Variants in PPP1R12B observed in about 807,000 individuals in gnomAD.
PPP1R12B encodes the protein protein phosphatase 1 regulatory subunit 12B.
PPP1R12B carries 76 observed loss-of-function variants against 126.1 expected under a neutral mutation model. That is an observed-to-expected ratio of 0.60 (90% CI 0.50 to 0.73). The LOEUF (loss-of-function observed/expected upper bound fraction) is 0.73, where lower values mean the gene tolerates loss of function less well. PPP1R12B is among the 30% of genes least tolerant of loss of function. The probability of loss-of-function intolerance (pLI) is 0.00; values close to 1 mark genes in which losing one functional copy is unlikely to be tolerated. For missense variants in PPP1R12B, 1,052 were observed against 1,205.1 expected, an observed-to-expected ratio of 0.87 and a Z score of 1.88; for synonymous variants, 356 against 434.7, an observed-to-expected ratio of 0.82 and a Z score of 2.25.
chr1:202,536,119 C>T (rs1329032703), intron 18 of PPP1R12B, among the ~76,000 whole-genome samples: 2 of 152,194 alleles, frequency 1.3e-5, no homozygotes, highest in Non-Finnish European at 2.9e-5. Flanking sequence ...CTTAACCTTT[C>T]AGAACTTCAC....
intron 13 of PPP1R12B, among the ~76,000 whole-genome samples, chr1:202,460,340 C>T (rs1674155636): frequency 6.6e-6 from 1 of 152,222 alleles, no homozygotes; most frequent in Non-Finnish European, 1.5e-5. Context: ...GGACCTTCTT[C>T]AGTCCCTTGG....
intron 1 of PPP1R12B, among the ~76,000 whole-genome samples, chr1:202,397,893 G>GC (rs772532810): frequency 1.4e-4 from 22 of 152,132 alleles, no homozygotes; most frequent in Non-Finnish European, 2.9e-4. Context: ...CAAGAATACA[G>GC]CATAGTCCTA....
chr1:202,489,797 A>G (rs1678630372), intron 14 of PPP1R12B, among the ~76,000 whole-genome samples: 1 of 152,196 alleles, frequency 6.6e-6, no homozygotes, highest in African/African-American at 2.4e-5. Flanking sequence ...TAAACTAAAA[A>G]CCAAGGAATT....
intron 8 of PPP1R12B, among the ~76,000 whole-genome samples, chr1:202,432,274 C>CTTTTTTTTTTTT (rs879702656): frequency 6.9e-6 from 1 of 145,250 alleles, no homozygotes; most frequent in African/African-American, 2.5e-5. Context: ...TATAGGGCTT[C>CTTTTTTTTTTTT]TTTTTTTTTT....
intron 18 of PPP1R12B, among the ~76,000 whole-genome samples, chr1:202,519,261 T>A (rs697453): frequency 0.68 from 102,622 of 151,214 alleles, 34,817 homozygotes; most frequent in East Asian, 0.78. Flanking sequence ...AATTAAAAAA[T>A]TTTTTTTTTT....
intron 1 of PPP1R12B, among the ~76,000 whole-genome samples, chr1:202,360,598 A>G (rs1657985289): frequency 6.6e-6 from 1 of 151,888 alleles, no homozygotes; most frequent in South Asian, 2.1e-4. Flanking sequence ...AATCCCAGCT[A>G]CTTGGGAGGC....
chr1:202,354,745 T>C (rs1656719759), intron 1 of PPP1R12B, among the ~76,000 whole-genome samples: 1 of 151,658 alleles, frequency 6.6e-6, no homozygotes, highest in African/African-American at 2.4e-5. Flanking sequence ...CGTCCCGGGC[T>C]CAAGCAATTC....
intron 6 of PPP1R12B, among the ~76,000 whole-genome samples, chr1:202,429,532 T>C (rs559037671): frequency 1.3e-5 from 2 of 152,182 alleles, no homozygotes; most frequent in Non-Finnish European, 2.9e-5. Flanking sequence ...TAATTAGTGC[T>C]ATACAGGAGA....
chr1:202,502,306 G>C lies in PPP1R12B; in HGVS notation c.2490+5484G>C, dbSNP rs941237942. On this transcript the variant is annotated intron_variant, in intron 18 of 23. Coordinates refer to ENST00000608999, the MANE Select transcript of PPP1R12B (RefSeq NM_002481.4). ...CTCGTGGAGAGATCTGTTGGTAAAA[G>C]TCTTCTAAAAGAGTTAAGCTATTAA... The C allele has an allele frequency of 2.4e-4, 233 of 985,184 alleles. 1 individual carries two copies. Among genetic ancestry groups the C allele is most frequent in the Middle Eastern group, 5.2e-4 (1 of 1,914 alleles). 61.0% of individuals were successfully genotyped at this position (985,184 alleles called of 1,614,324 possible).
chr1:202,355,329 C>T (rs987225927), intron 1 of PPP1R12B, among the ~76,000 whole-genome samples: 7 of 152,094 alleles, frequency 4.6e-5, no homozygotes, highest in African/African-American at 1.4e-4. Flanking sequence ...TTTCTGCCCT[C>T]AAGGAACTAA....
chr1:202,442,578 A>C lies in PPP1R12B; in HGVS notation c.1667+6A>C. 6.2e-7 allele frequency: 1 copy of C among 1,608,604 alleles called. No individual in the cohort carries two copies. Among genetic ancestry groups the C allele is most frequent in the South Asian group, 1.1e-5 (1 of 90,146 alleles). On this transcript the variant is annotated splice_donor_region_variant and intron_variant, in intron 12 of 23. Transcript: ENST00000608999. ...GTATCAACTTACTTGAAAAGGTACC[A>C]GGCTCAAAGGGGGTGGGAGATGTTT...
chr1:202,510,596 A>G (rs879763061), intron 18 of PPP1R12B, among the ~76,000 whole-genome samples: 7 of 152,168 alleles, frequency 4.6e-5, no homozygotes, highest in Non-Finnish European at 8.8e-5. Context: ...CCCGAAATAC[A>G]CATTTAACCC....
chr1:202,426,913 G>A, intron 4 of PPP1R12B, 127 bp from the exon 5 acceptor site: 1 of 1,306,420 alleles, frequency 7.7e-7, no homozygotes, highest in South Asian at 1.5e-5. Flanking sequence ...GCCTTAGAGG[G>A]CAGAAGTAAT....
At chr1:202,370,798 A>T (rs1034969170) in intron 1 of PPP1R12B, among the ~76,000 whole-genome samples, 2 of 152,030 alleles carry the variant, frequency 1.3e-5, no homozygotes, top group Non-Finnish European at 2.9e-5. Context: ...TCAGCCTCCT[A>T]AAGTGCTGGG....
chr1:202,568,770 T>C (rs921855743), intron 22 of PPP1R12B, among the ~76,000 whole-genome samples: 1 of 152,190 alleles, frequency 6.6e-6, no homozygotes, highest in African/African-American at 2.4e-5. Context: ...GGGAGAGCAT[T>C]ACTGAAGATA....
In PPP1R12B at chr1:202,587,600, G is replaced by A. The variant is rs1689894541; in HGVS notation, c.*7040G>A. The A allele has an allele frequency of 1.3e-5, 2 of 152,228 alleles. No homozygotes were observed. The highest frequency in any genetic ancestry group is 1.5e-5 in the Non-Finnish European group (1 of 68,076). The allele number at this position is 152,228 out of a possible 1,614,324, so 9.4% of individuals were successfully genotyped here. On this transcript the variant is annotated 3_prime_UTR_variant, in exon 24 of 24. Transcript: ENST00000608999. ...GTGGCAACAGCTCAGCCCATTCAAA[G>A]AGCAAGGATTCAGGAAAGGCACACT...
intron 18 of PPP1R12B, among the ~76,000 whole-genome samples, chr1:202,537,228 C>T (rs1358666028): frequency 1.3e-5 from 2 of 152,060 alleles, no homozygotes; most frequent in Non-Finnish European, 2.9e-5. Flanking sequence ...GTGGCAGGCG[C>T]TTGTTGTCCC....
At chr1:202,473,833 T>C (rs1237543748) in intron 13 of PPP1R12B, 1 of 484,954 alleles carries the variant, frequency 2.1e-6, no homozygotes, top group Non-Finnish European at 4.3e-6. Flanking sequence ...CCTTTTCCAG[T>C]TTCCAAGGGA....
intron 18 of PPP1R12B, among the ~76,000 whole-genome samples, chr1:202,549,271 C>G (rs938435767): frequency 1.1e-4 from 17 of 152,182 alleles, no homozygotes; most frequent in African/African-American, 4.1e-4. Flanking sequence ...TTTCAGACTT[C>G]AAGCTGATGT....
Sources: gnomAD v4.1 joint callset for allele counts (sites outside exome capture counted in the v4.1 genomes callset) on GRCh38, gnomAD v4.1.1 for gene constraint, MANE v1.5 for transcripts, NCBI Gene and HGNC (gene_info 2026-07-23, HGNC 2026-07-21) for gene names.